Variants in PSMB1 observed in about 807,000 individuals in gnomAD.
PSMB1 encodes the protein proteasome subunit beta type-1.
Under a neutral mutation model 25.4 loss-of-function variants are expected in PSMB1, and 7 were observed. The observed-to-expected ratio is 0.28, with a 90% CI of 0.16 to 0.52. PSMB1 has a LOEUF of 0.52. Ranked by LOEUF, PSMB1 falls within the 20% of genes least tolerant of loss-of-function variation. The probability of loss-of-function intolerance (pLI) is 0.97; values close to 1 mark genes in which losing one functional copy is unlikely to be tolerated. For synonymous variants in PSMB1, 119 were observed against 115.0 expected, an observed-to-expected ratio of 1.03 and a Z score of -0.22; for missense variants, 284 against 302.2, an observed-to-expected ratio of 0.94 and a Z score of 0.45.
intron 1 of PSMB1, among the ~76,000 whole-genome samples, chr6:170,551,141 C>CA (rs938099185): frequency 6.6e-6 from 1 of 151,668 alleles, no homozygotes; most frequent in African/African-American, 2.4e-5. Context: ...GACTCTGTCT[C>CA]AAAAAATAAG....
At chr6:170,538,202 T>C (rs555818311) in intron 4 of PSMB1, among the ~76,000 whole-genome samples, 1 of 152,318 alleles carries the variant, frequency 6.6e-6, no homozygotes, top group East Asian at 1.9e-4. Flanking sequence ...CTACAATCGT[T>C]AAAAAGGCCT....
intron 5 of PSMB1, chr6:170,536,302 T>C (rs1562350465): frequency 6.8e-6 from 3 of 441,180 alleles, no homozygotes; most frequent in Non-Finnish European, 1.4e-5. Flanking sequence ...TTTACTACCA[T>C]AAAATACACA....
chr6:170,544,806 T>A (rs1778797639), intron 3 of PSMB1, among the ~76,000 whole-genome samples: 1 of 152,092 alleles, frequency 6.6e-6, no homozygotes, highest in Non-Finnish European at 1.5e-5. Context: ...ACAGGTAAGT[T>A]TTTTATAGAG....
chr6:170,535,260 T>G lies in PSMB1; in HGVS notation c.686A>C (p.Glu229Ala), dbSNP rs776602839. The change falls in exon 6 of 6, where the codon GAG (glutamate) becomes GCG (alanine). Residue 229 changes from glutamate to alanine, a missense_variant. Glu to Ala is a moderately radical substitution (Grantham distance 107). Coordinates refer to ENST00000262193, the MANE Select transcript of PSMB1 (RefSeq NM_002793.4). ...GGAAACAGTTTCCTCCCTGATGCCC[T>G]CTTTGGTCACTATGCAGATCCGGAG... ...DALRICIVTK[E>A]GIREETVSLR... 2 of 1,614,164 alleles carry G rather than the reference T, an allele frequency of 1.2e-6. No individual in the cohort carries two copies. The highest frequency in any genetic ancestry group is 1.7e-6 in the Non-Finnish European group (2 of 1,180,030).
chr6:170,547,191 T>G lies in PSMB1; in HGVS notation c.222-1007A>C, dbSNP rs576036744. Among the ~76,000 whole-genome samples the G allele has an allele frequency of 7.2e-5, 11 of 152,304 alleles. No individual in the cohort carries two copies. The South Asian group carries it at 2.1e-3, about 29-fold the overall frequency. On this transcript the variant is annotated intron_variant, in intron 2 of 5. Coordinates refer to ENST00000262193, the MANE Select transcript of PSMB1 (RefSeq NM_002793.4). Reference sequence around the variant, plus strand: ...GCAATTTGGTGGTATTTATTAAAAATTTAAATACACACCACTCTCACCAAT... The same window carrying G: ...GCAATTTGGTGGTATTTATTAAAAAGTTAAATACACACCACTCTCACCAAT...
At chr6:170,544,718 T>C (rs566100642) in intron 3 of PSMB1, among the ~76,000 whole-genome samples, 8 of 152,162 alleles carry the variant, frequency 5.3e-5, no homozygotes, top group South Asian at 4.2e-4. Flanking sequence ...AATAGACAGA[T>C]AGATATCTAA....
chr6:170,552,989 G>T, intron 1 of PSMB1, 141 bp downstream of exon 1: 1 of 668,232 alleles, frequency 1.5e-6, no homozygotes, highest in Non-Finnish European at 2.6e-6. Context: ...AGGGAGACCG[G>T]CCTTGTGCGG....
intron 1 of PSMB1, 57 bp downstream of exon 1, chr6:170,553,073 G>C: frequency 1.4e-6 from 2 of 1,451,936 alleles, no homozygotes; most frequent in Non-Finnish European, 9.5e-7. Flanking sequence ...TCCTAAATAG[G>C]CTTCAGCAGA....
intron 1 of PSMB1, among the ~76,000 whole-genome samples, chr6:170,550,899 G>A (rs1778886778): frequency 1.2e-5 from 1 of 80,278 alleles, no homozygotes; most frequent in South Asian, 4.7e-4. Flanking sequence ...CACTTTGGGA[G>A]GCTGAGGGGG....
At chr6:170,547,902 C>G (rs1349479361) in intron 2 of PSMB1, among the ~76,000 whole-genome samples, 1 of 111,886 alleles carries the variant, frequency 8.9e-6, no homozygotes, top group African/African-American at 3.0e-5. Flanking sequence ...AAAAAAAGTG[C>G]TCACTTCACC....
At chr6:170,553,001 C>T (rs1270239553) in intron 1 of PSMB1, 129 bp downstream of exon 1, 4 of 720,504 alleles carry the variant, frequency 5.6e-6, no homozygotes, top group South Asian at 1.9e-5. Context: ...CTTGTGCGGA[C>T]CCCCTCAGCT....
At chr6:170,548,820 A>G (rs928810781) in intron 2 of PSMB1, among the ~76,000 whole-genome samples, 186 bp downstream of exon 2, 3 of 152,236 alleles carry the variant, frequency 2.0e-5, no homozygotes, top group Non-Finnish European at 2.9e-5. Flanking sequence ...CCCTGAATAC[A>G]GCAAATATTA....
At chr6:170,538,214 T>C (rs1778717704) in intron 4 of PSMB1, among the ~76,000 whole-genome samples, 1 of 152,188 alleles carries the variant, frequency 6.6e-6, no homozygotes, top group Non-Finnish European at 1.5e-5. Context: ...AAAAGGCCTG[T>C]TAAAAACAAC....
At chr6:170,542,041 A>C (rs1490564749) in intron 4 of PSMB1, among the ~76,000 whole-genome samples, 1 of 152,214 alleles carries the variant, frequency 6.6e-6, no homozygotes, top group East Asian at 1.9e-4. Flanking sequence ...AGGCAAATTA[A>C]TTTGTAGCTA....
chr6:170,539,840 G>A (rs968606984), intron 4 of PSMB1, among the ~76,000 whole-genome samples: 1 of 152,158 alleles, frequency 6.6e-6, no homozygotes, highest in Non-Finnish European at 1.5e-5. Flanking sequence ...ATGCCCTTTA[G>A]AGGACTGGTT....
At position 170,553,290 on chromosome 6, in the gene PSMB1, T is replaced by A. The variant is rs755859794; in HGVS notation, c.-48A>T. 13 of 1,426,742 alleles carry A rather than the reference T, an allele frequency of 9.1e-6. No individual in the cohort carries two copies. The African/African-American group carries it at 1.8e-4, about 20-fold the overall frequency. 88.4% of individuals were successfully genotyped at this position (1,426,742 alleles called of 1,614,324 possible). ...CGACACTTGCTGTCTCACGGCGAGA[T>A]GGCTGCCTTGACCGGACGTTACGCC... is the stretch of plus-strand genomic sequence containing the variant. On this transcript the variant is annotated 5_prime_UTR_variant, in exon 1 of 6. Coordinates refer to ENST00000262193, the MANE Select transcript of PSMB1 (RefSeq NM_002793.4).
chr6:170,545,419 T>C (rs1430629052), intron 3 of PSMB1, among the ~76,000 whole-genome samples: 3 of 152,212 alleles, frequency 2.0e-5, no homozygotes, highest in Non-Finnish European at 4.4e-5. Context: ...CATTAACAAT[T>C]GATAAATACT....
chr6:170,548,257 G>C (rs985611458), intron 2 of PSMB1, among the ~76,000 whole-genome samples: 8 of 152,144 alleles, frequency 5.3e-5, no homozygotes, highest in Non-Finnish European at 1.2e-4. Context: ...CCTAAACCTC[G>C]TAAGTCCCAT....
intron 2 of PSMB1, among the ~76,000 whole-genome samples, chr6:170,547,027 A>C (rs59928200): frequency 0.016 from 2,380 of 152,304 alleles, 36 homozygotes; most frequent in African/African-American, 0.036. Flanking sequence ...CACCATAAAC[A>C]TAAGAGCCTC....
Sources: gnomAD v4.1 joint callset for allele counts (sites outside exome capture counted in the v4.1 genomes callset) on GRCh38, gnomAD v4.1.1 for gene constraint, MANE v1.5 for transcripts, NCBI Gene and HGNC (gene_info 2026-07-23, HGNC 2026-07-21) for gene names.